FOXN3: variants seen among roughly 807,000 people sequenced by gnomAD.
FOXN3 encodes the protein forkhead box protein N3.
FOXN3 carries 7 observed loss-of-function variants against 38.4 expected under a neutral mutation model. That is an observed-to-expected ratio of 0.18 (90% confidence interval 0.10 to 0.34). FOXN3 has a LOEUF of 0.34. Among genes scored for constraint, FOXN3 ranks in the 10% least tolerant of loss-of-function variants. The probability of loss-of-function intolerance (pLI) is 1.00; values close to 1 mark genes in which losing one functional copy is unlikely to be tolerated. For synonymous variants in FOXN3, 230 were observed against 242.2 expected, an observed-to-expected ratio of 0.95 and a Z score of 0.47; for missense variants, 456 against 613.4, an observed-to-expected ratio of 0.74 and a Z score of 2.71.
intron 1 of FOXN3, among the ~76,000 whole-genome samples, chr14:89,534,546 A>G (rs1377915235): frequency 1.3e-5 from 2 of 152,158 alleles, no homozygotes; most frequent in African/African-American, 4.8e-5. Context: ...GGTGCATGCA[A>G]TCTTCCAACC....
At chr14:89,305,675 A>G (rs1273248003) in intron 3 of FOXN3, among the ~76,000 whole-genome samples, 1 of 152,234 alleles carries the variant, frequency 6.6e-6, no homozygotes. Context: ...AGGAAGACCC[A>G]CTGCTAAATC....
intron 1 of FOXN3, among the ~76,000 whole-genome samples, chr14:89,533,661 C>CAAAAAAAAAAA (rs34194637): frequency 1.5e-5 from 1 of 65,916 alleles, no homozygotes; most frequent in Non-Finnish European, 2.6e-5. Flanking sequence ...GACTCTGTCT[C>CAAAAAAAAAAA]AAAAAAAAAA....
At chr14:89,587,613 A>T (rs1895867349) in intron 1 of FOXN3, among the ~76,000 whole-genome samples, 1 of 152,192 alleles carries the variant, frequency 6.6e-6, no homozygotes, top group Admixed American at 6.5e-5. Flanking sequence ...CATGCCTGTA[A>T]TCCAAGCACT....
rs1203827258 is a variant in FOXN3 at position 89,343,656 on chromosome 14, G to A, written c.680+7016C>T. On this transcript the variant is annotated intron_variant, in intron 3 of 5. Transcript: ENST00000557258. ...TTTTTTTTTTTCTTTTTTGCGGCTC[G>A]TTAAATTCCTCTGAGGAAGCAAACA... 2.2e-5 allele frequency among the ~76,000 whole-genome samples: 3 copies of A among 135,748 alleles called. No homozygotes were observed. In the East Asian group the frequency reaches 6.3e-4, roughly 28 times the overall value. The allele number at this position is 135,748 out of a possible 152,430, so 89.1% of individuals were successfully genotyped here. A position where few individuals can be genotyped will look rare whatever the true frequency, so the allele number is the denominator to read the frequency against.
intron 1 of FOXN3, among the ~76,000 whole-genome samples, chr14:89,450,434 C>A (rs887924291): frequency 1.3e-5 from 2 of 152,082 alleles, no homozygotes; most frequent in African/African-American, 4.8e-5. Context: ...AATGTGCCTC[C>A]GTAGAATGCC....
chr14:89,519,877 C>A (rs1894283598), intron 1 of FOXN3, among the ~76,000 whole-genome samples: 2 of 152,096 alleles, frequency 1.3e-5, no homozygotes, highest in Non-Finnish European at 2.9e-5. Flanking sequence ...GGAAAACAAT[C>A]AAATAAGCAA....
intron 4 of FOXN3, among the ~76,000 whole-genome samples, chr14:89,274,519 T>C (rs1886241039): frequency 6.6e-6 from 1 of 152,056 alleles, no homozygotes. Flanking sequence ...GGCCTCAGGT[T>C]TGATTGTAAA....
At chr14:89,605,975 G>C (rs867696443) in intron 1 of FOXN3, among the ~76,000 whole-genome samples, 1 of 151,882 alleles carries the variant, frequency 6.6e-6, no homozygotes, top group African/African-American at 2.4e-5. Context: ...AACTGGCCAG[G>C]TGTGGTAGTG....
chr14:89,185,862 G>GAGC (rs1476178415), intron 4 of FOXN3: 1 of 152,248 alleles, frequency 6.6e-6, no homozygotes, highest in East Asian at 1.9e-4. Flanking sequence ...GAGCCAAACA[G>GAGC]AGCAGCACTG....
intron 1 of FOXN3, among the ~76,000 whole-genome samples, chr14:89,571,021 T>TA (rs1213603736): frequency 4.6e-5 from 7 of 152,198 alleles, no homozygotes; most frequent in Non-Finnish European, 8.8e-5. Flanking sequence ...GAGCACTAAG[T>TA]AGCTAAAAGC....
At chr14:89,583,932 C>T (rs1293135635) in intron 1 of FOXN3, among the ~76,000 whole-genome samples, 2 of 151,986 alleles carry the variant, frequency 1.3e-5, no homozygotes, top group Non-Finnish European at 2.9e-5. Flanking sequence ...TCTCGACTCA[C>T]TGCAACCTCC....
At chr14:89,368,438 T>C (rs1247290201) in intron 2 of FOXN3, among the ~76,000 whole-genome samples, 1 of 150,376 alleles carries the variant, frequency 6.6e-6, no homozygotes, top group Non-Finnish European at 1.5e-5. Context: ...AGCCCAGGAG[T>C]TCAAGACCAG....
At chr14:89,474,053 CATT>C (rs1893162373) in intron 1 of FOXN3, among the ~76,000 whole-genome samples, 1 of 152,236 alleles carries the variant, frequency 6.6e-6, no homozygotes, top group South Asian at 2.1e-4. Flanking sequence ...ACATCTTCAT[CATT>C]GCTACGTAAC....
At chr14:89,454,716 TATC>T (rs1892685320) in intron 1 of FOXN3, among the ~76,000 whole-genome samples, 2 of 152,226 alleles carry the variant, frequency 1.3e-5, no homozygotes, top group African/African-American at 4.8e-5. Flanking sequence ...TAGAAGTGCT[TATC>T]ATAGCAGGTT....
chr14:89,561,035 G>C (rs1485926285), intron 1 of FOXN3, among the ~76,000 whole-genome samples: 4 of 152,210 alleles, frequency 2.6e-5, no homozygotes, highest in African/African-American at 9.7e-5. Context: ...GAGATGACTG[G>C]GAATACAGAA....
chr14:89,308,846 G>T (rs1344000956), intron 3 of FOXN3, among the ~76,000 whole-genome samples: 1 of 152,164 alleles, frequency 6.6e-6, no homozygotes, highest in African/African-American at 2.4e-5. Context: ...GGCAGCGAAG[G>T]ACAGGTAAGC....
chr14:89,599,830 C>T (rs1896124383), intron 1 of FOXN3, among the ~76,000 whole-genome samples: 2 of 152,204 alleles, frequency 1.3e-5, no homozygotes, highest in African/African-American at 4.8e-5. Flanking sequence ...AGGTTGTTTA[C>T]TAGGGCTTCT....
chr14:89,599,890 C>A (rs1468456703), intron 1 of FOXN3, among the ~76,000 whole-genome samples: 3 of 152,218 alleles, frequency 2.0e-5, no homozygotes, highest in Non-Finnish European at 2.9e-5. Flanking sequence ...AGCCCATGAA[C>A]TTGTTGAAAG....
intron 2 of FOXN3, among the ~76,000 whole-genome samples, chr14:89,371,664 A>T (rs958622200): frequency 5.3e-5 from 8 of 151,972 alleles, no homozygotes; most frequent in African/African-American, 1.9e-4. Context: ...ACATTTATGG[A>T]TGCATCTACA....
Sources: allele counts gnomAD v4.1 joint callset (sites outside exome capture counted in the v4.1 genomes callset), GRCh38; gene constraint gnomAD v4.1.1; transcripts MANE v1.5; gene names NCBI Gene and HGNC (gene_info 2026-07-23, HGNC 2026-07-21).